RPRD2: variants seen among roughly 807,000 people sequenced by gnomAD.
RPRD2 encodes the protein regulation of nuclear pre-mRNA domain containing 2, also known as regulation of nuclear pre-mRNA domain-containing protein 2.
A neutral mutation model predicts 104.4 loss-of-function variants in RPRD2; 12 were observed. That is an observed-to-expected ratio of 0.11 (90% CI 0.07 to 0.19). The LOEUF (loss-of-function observed/expected upper bound fraction) is 0.19, where lower values mean the gene tolerates loss of function less well. Among genes scored for constraint, RPRD2 ranks in the 10% least tolerant of loss-of-function variants. The probability of loss-of-function intolerance (pLI) is 1.00; values close to 1 mark genes in which losing one functional copy is unlikely to be tolerated. For missense variants in RPRD2, 1,543 were observed against 1,790.1 expected (o/e 0.86, Z 2.49); for synonymous variants, 714 against 684.9 (o/e 1.04, Z -0.66).
At position 150,364,158 on chromosome 1, in the gene RPRD2, C is replaced by A. The variant is rs782279984; in HGVS notation, c.-557C>A. ...GGCGCGTGCGCGATACTGTTGCTGCCCCTTTGCTGCTATTGCGTTGCAAAA... is the reference window on the plus strand; with the variant it reads ...GGCGCGTGCGCGATACTGTTGCTGCACCTTTGCTGCTATTGCGTTGCAAAA... On this transcript the variant is annotated 5_prime_UTR_variant, in exon 1 of 11. Coordinates refer to ENST00000369068, the MANE Select transcript of RPRD2 (RefSeq NM_015203.5). Among the ~76,000 whole-genome samples, 2 of 152,166 alleles carry A rather than the reference C, an allele frequency of 1.3e-5. No individual in the cohort carries two copies. Among genetic ancestry groups the A allele is most frequent in the Non-Finnish European group, 2.9e-5 (2 of 68,038 alleles).
intron 2 of RPRD2, among the ~76,000 whole-genome samples, chr1:150,434,327 G>A (rs587763472): frequency 6.6e-6 from 1 of 152,200 alleles, no homozygotes; most frequent in Admixed American, 6.5e-5. Flanking sequence ...CTGCCCTCCA[G>A]CCTGGGCGGC....
At chr1:150,438,066 G>C (rs1182248960) in intron 2 of RPRD2, among the ~76,000 whole-genome samples, 2 of 146,154 alleles carry the variant, frequency 1.4e-5, no homozygotes, top group East Asian at 4.2e-4. Context: ...GGCAGATCAT[G>C]AGGTCAGGAG....
At chr1:150,380,781 A>C (rs782515128) in intron 1 of RPRD2, among the ~76,000 whole-genome samples, 1 of 152,060 alleles carries the variant, frequency 6.6e-6, no homozygotes, top group Non-Finnish European at 1.5e-5. Context: ...CAGCCTCCCG[A>C]GTAGCTGGGA....
chr1:150,436,486 A>G (rs1386635376), intron 2 of RPRD2, among the ~76,000 whole-genome samples: 1 of 152,112 alleles, frequency 6.6e-6, no homozygotes, highest in Non-Finnish European at 1.5e-5. Context: ...CTGTAGTCCC[A>G]GCTACTCCGG....
intron 1 of RPRD2, among the ~76,000 whole-genome samples, chr1:150,379,410 A>AT (rs1484713332): frequency 1.1e-4 from 17 of 150,500 alleles, no homozygotes; most frequent in South Asian, 6.3e-4. Flanking sequence ...TTATTTACGT[A>AT]TTTTTTTTTG....
chr1:150,364,843 C>G lies in RPRD2; in HGVS notation c.129C>G (p.Gly43=). The change falls in exon 1 of 11, where the codon GGC becomes GGG. Residue 43 remains glycine, a synonymous_variant. Transcript: ENST00000369068. ...CCAACACCATGGAGTCCATTCAAGG[C>G]TTGTCGTCTTGGTGTATAGAGAACA... ...SVTNTMESIQ[G]LSSWCIENKK... 6.2e-7 allele frequency: 1 copy of G among 1,613,800 alleles called. No individual in the cohort carries two copies. The highest frequency in any genetic ancestry group is 8.5e-7 in the Non-Finnish European group (1 of 1,179,698).
intron 2 of RPRD2, 70 bp downstream of exon 2, chr1:150,417,795 T>C: frequency 8.2e-7 from 1 of 1,212,202 alleles, no homozygotes; most frequent in Non-Finnish European, 1.1e-6. Flanking sequence ...CTTAACCCAT[T>C]AAGAACTGTA....
chr1:150,432,174 T>A (rs1241181798), intron 2 of RPRD2, among the ~76,000 whole-genome samples: 2 of 120,736 alleles, frequency 1.7e-5, no homozygotes, highest in South Asian at 2.7e-4. Context: ...ACCCTAAATC[T>A]TAAAAAAAAA....
At chr1:150,424,397 C>A (rs999873506) in intron 2 of RPRD2, among the ~76,000 whole-genome samples, 5 of 152,022 alleles carry the variant, frequency 3.3e-5, no homozygotes, top group Admixed American at 2.0e-4. Context: ...TCAAGCGATT[C>A]TCCTGCCTCA....
intron 7 of RPRD2, among the ~76,000 whole-genome samples, chr1:150,456,627 TAA>T (rs149595688): frequency 3.3e-4 from 47 of 143,792 alleles, no homozygotes; most frequent in Admixed American, 2.8e-4. Context: ...AAATTTTATT[TAA>T]AAAAAAAAAA....
intron 1 of RPRD2, among the ~76,000 whole-genome samples, chr1:150,392,607 C>G (rs1308204534): frequency 6.6e-6 from 1 of 152,200 alleles, no homozygotes; most frequent in Admixed American, 6.5e-5. Flanking sequence ...AGTCTCAGCG[C>G]TTTGGCAGGA....
Position 150,405,967 on chromosome 1 carries a change from A to G in RPRD2, c.206-11629A>G, listed in dbSNP as rs76546693. ...GAATAGTGATGCTTTTAATTTGGAT[A>G]TGCCAAAGAAAAGCCGTTAAGTGCT... On this transcript the variant is annotated intron_variant, in intron 1 of 10. Transcript: ENST00000369068. 1.9e-4 allele frequency among the ~76,000 whole-genome samples: 29 copies of G among 152,336 alleles called. 1 individual carries two copies. The East Asian group carries it at 5.6e-3, about 29-fold the overall frequency.
intron 1 of RPRD2, among the ~76,000 whole-genome samples, chr1:150,390,981 C>G (rs1165528098): frequency 6.6e-6 from 1 of 151,994 alleles, no homozygotes; most frequent in African/African-American, 2.4e-5. Flanking sequence ...ATATCAAAGT[C>G]AAAGAGAAGC....
chr1:150,384,452 T>TCA (rs71293187), intron 1 of RPRD2, among the ~76,000 whole-genome samples: 1,359 of 54,152 alleles, frequency 0.025, 9 homozygotes, highest in African/African-American at 0.04. Context: ...ATCATCATCA[T>TCA]TATTATTATT....
At chr1:150,411,441 A>G (rs1310381107) in intron 1 of RPRD2, among the ~76,000 whole-genome samples, 1 of 136,760 alleles carries the variant, frequency 7.3e-6, no homozygotes. Flanking sequence ...AGCCTGGACA[A>G]CAGAGCTAGA....
At chr1:150,395,607 G>A (rs921756398) in intron 1 of RPRD2, among the ~76,000 whole-genome samples, 23 of 150,340 alleles carry the variant, frequency 1.5e-4, no homozygotes, top group Admixed American at 1.4e-3. Flanking sequence ...CTGCCTCCGT[G>A]TTCAAGCAGT....
intron 7 of RPRD2, among the ~76,000 whole-genome samples, chr1:150,446,833 C>CTTTTTTTT (rs782290005): frequency 7.8e-6 from 1 of 127,512 alleles, no homozygotes. Context: ...AGACCTGGGT[C>CTTTTTTTT]TTTTTTTTTT....
chr1:150,425,962 G>A (rs189424280), intron 2 of RPRD2, among the ~76,000 whole-genome samples: 3 of 152,222 alleles, frequency 2.0e-5, no homozygotes, highest in Non-Finnish European at 4.4e-5. Context: ...TTAACTGGGT[G>A]TGGTGGCATA....
intron 8 of RPRD2, among the ~76,000 whole-genome samples, 188 bp downstream of exon 8, chr1:150,457,758 A>G (rs183962207): frequency 3.5e-4 from 54 of 152,330 alleles, no homozygotes; most frequent in Middle Eastern, 3.4e-3. Context: ...ATCATTGCTC[A>G]GTATCTGCAC....
Sources: gnomAD v4.1 joint callset for allele counts (sites outside exome capture counted in the v4.1 genomes callset) on GRCh38, gnomAD v4.1.1 for gene constraint, MANE v1.5 for transcripts, NCBI Gene and HGNC (gene_info 2026-07-23, HGNC 2026-07-21) for gene names.